The following ZNF678 variants were observed in gnomAD, a reference collection of about 807,000 sequenced individuals.
ZNF678 encodes the protein zinc finger protein 678.
A neutral mutation model predicts 3.0 loss-of-function variants in ZNF678; 5 were observed. The ratio of observed to expected loss-of-function variants is 1.69; its 90% confidence interval spans 0.88 to 3.56. ZNF678 has a LOEUF of 3.56. ZNF678 is among the 30% of genes most tolerant of loss of function. The probability of loss-of-function intolerance (pLI) is 0.00; values close to 1 mark genes in which losing one functional copy is unlikely to be tolerated. For missense variants in ZNF678, 593 were observed against 605.0 expected (o/e 0.98, Z 0.21); for synonymous variants, 218 against 199.6 (o/e 1.09, Z -0.78).
At chr1:227,652,285 G>C (rs1000700774) in intron 3 of ZNF678, among the ~76,000 whole-genome samples, 1 of 151,966 alleles carries the variant, frequency 6.6e-6, no homozygotes, top group African/African-American at 2.4e-5. Context: ...CTATCATTTG[G>C]TTACTATTTG....
rs188109810 is a variant in ZNF678, at chr1:227,658,868, T to C, written c.*3040T>C. 5.3e-5 allele frequency: 8 copies of C among 152,088 alleles called. No individual in the cohort carries two copies. In the East Asian group the frequency reaches 1.5e-3, roughly 29 times the overall value. 9.4% of individuals were successfully genotyped at this position (152,088 alleles called of 1,614,324 possible). A position where few individuals can be genotyped will look rare whatever the true frequency, so the allele number is the denominator to read the frequency against. On this transcript the variant is annotated 3_prime_UTR_variant, in exon 4 of 4. Transcript: ENST00000343776. ...ACCACAAAATATAGTAAACATGAAA[T>C]CAGTTAGAATAGGTAAAGCATTAAT... is the stretch of plus-strand genomic sequence containing the variant.
chr1:227,613,956 G>A (rs1030445678), intron 1 of ZNF678, among the ~76,000 whole-genome samples: 1 of 152,182 alleles, frequency 6.6e-6, no homozygotes, highest in Non-Finnish European at 1.5e-5. Flanking sequence ...AACATGATTA[G>A]CATCTCCAGT....
intron 1 of ZNF678, among the ~76,000 whole-genome samples, chr1:227,636,886 G>T (rs1311109460): frequency 6.6e-6 from 1 of 152,174 alleles, no homozygotes; most frequent in Non-Finnish European, 1.5e-5. Context: ...ATTCTTTCCA[G>T]ACGGATGAGT....
downstream of ZNF678, among the ~76,000 whole-genome samples, chr1:227,665,831 C>T (rs535413489): frequency 4.0e-4 from 61 of 152,126 alleles, no homozygotes; most frequent in African/African-American, 1.5e-3. Context: ...ATCCAGGGTC[C>T]CGTTATCCTC....
chr1:227,642,173 A>G (rs1473442092), intron 1 of ZNF678, among the ~76,000 whole-genome samples: 1 of 152,220 alleles, frequency 6.6e-6, no homozygotes, highest in Non-Finnish European at 1.5e-5. Context: ...ATAAAGGGCT[A>G]GACTTTGAAC....
chr1:227,655,488 T>TTTTTAA lies in ZNF678; in HGVS notation c.1239_1244dup (p.Phe414_Lys415insAsnPhe). The TTTTTAA allele has an allele frequency of 6.2e-7, 1 of 1,603,880 alleles. No individual in the cohort carries two copies. The highest frequency in any genetic ancestry group is 1.1e-5 in the South Asian group (1 of 90,578). On this transcript the variant is annotated inframe_insertion, in exon 4 of 4. Transcript: ENST00000343776. Reference sequence around the variant, plus strand: ...TACAAATGTGAAGAATGTGGGAAAGTTTTTAAACAGTGCTCTCACCTAACT... The same window carrying TTTTTAA: ...TACAAATGTGAAGAATGTGGGAAAGTTTTTAATTTTAAACAGTGCTCTCACCTAACT...
intron 1 of ZNF678, chr1:227,598,777 T>C: frequency 1.9e-6 from 1 of 536,310 alleles, no homozygotes; most frequent in African/African-American, 1.9e-5. Context: ...TTTCTCTGTT[T>C]TCCTTGTTTC....
chr1:227,674,348 C>T (rs1659647436), intron 5 of ZNF678, among the ~76,000 whole-genome samples: 1 of 152,114 alleles, frequency 6.6e-6, no homozygotes, highest in African/African-American at 2.4e-5. Flanking sequence ...CCCCAGTAAA[C>T]TCAGAGTAAA....
At chr1:227,574,275 T>C (rs1222712938) in intron 1 of ZNF678, among the ~76,000 whole-genome samples, 2 of 152,324 alleles carry the variant, frequency 1.3e-5, no homozygotes, top group African/African-American at 2.4e-5. Context: ...CTGAACTAAT[T>C]TACACTCCCA....
At chr1:227,583,842 C>T (rs927708603) in intron 1 of ZNF678, among the ~76,000 whole-genome samples, 3 of 152,130 alleles carry the variant, frequency 2.0e-5, no homozygotes, top group African/African-American at 7.2e-5. Flanking sequence ...CATAGGCATG[C>T]ATTGGGCACA....
chr1:227,669,427 G>A (rs972868562), intron 5 of ZNF678, among the ~76,000 whole-genome samples: 2 of 152,024 alleles, frequency 1.3e-5, no homozygotes, highest in Non-Finnish European at 2.9e-5. Context: ...ACGAGGTCAG[G>A]AGATCAAGAC....
chr1:227,612,444 CT>C (rs1280195564), intron 1 of ZNF678, among the ~76,000 whole-genome samples: 2 of 152,178 alleles, frequency 1.3e-5, no homozygotes, highest in Non-Finnish European at 2.9e-5. Context: ...TGTGGGGTGC[CT>C]CCCTTTGGTG....
In ZNF678 at chr1:227,594,959, A is replaced by T. The variant is rs189440572; in HGVS notation, c.-164+31235A>T. 2.0e-5 allele frequency among the ~76,000 whole-genome samples: 3 copies of T among 152,264 alleles called. No individual in the cohort carries two copies. The East Asian group carries it at 5.8e-4, about 29-fold the overall frequency. ...GTTAGCAAAGCAGTTGCTGCTACAG[A>T]TCGAATGCATTTGGGCCATCTGTGG... is the stretch of plus-strand genomic sequence containing the variant. On this transcript the variant is annotated intron_variant, in intron 1 of 3. Transcript: ENST00000343776.
rs535698786 is a variant in ZNF678, at chr1:227,676,840, A to C, written c.227-339A>C. On this transcript the variant is annotated intron_variant, in intron 5 of 5. Coordinates refer to the ZNF678 transcript ENST00000608949. ...TCCAGCTTCATCCATGTCCCTACAA[A>C]GGACATGAACTCATCATTTTTTATG... Among the ~76,000 whole-genome samples, 609 of 152,250 alleles carry C rather than the reference A, an allele frequency of 4.0e-3. 4 individuals are homozygous for C. The highest frequency in any genetic ancestry group is 0.014 in the African/African-American group (561 of 41,550).
intron 5 of ZNF678, among the ~76,000 whole-genome samples, chr1:227,672,189 T>C (rs1199163022): frequency 2.0e-5 from 3 of 152,212 alleles, no homozygotes; most frequent in African/African-American, 7.2e-5. Flanking sequence ...AATACTTCTA[T>C]GATTTTAGAA....
chr1:227,675,723 G>A (rs1172739855), intron 5 of ZNF678, among the ~76,000 whole-genome samples: 2 of 151,876 alleles, frequency 1.3e-5, no homozygotes, highest in Non-Finnish European at 2.9e-5. Context: ...CTGGGGGGGT[G>A]GGGAAAGGCC....
intron 1 of ZNF678, among the ~76,000 whole-genome samples, chr1:227,640,506 G>A (rs1205674518): frequency 1.3e-5 from 2 of 152,032 alleles, no homozygotes; most frequent in African/African-American, 2.4e-5. Context: ...GATTTGAACA[G>A]GTGAGCAAAA....
At chr1:227,567,535 A>G (rs1656722968) in intron 1 of ZNF678, among the ~76,000 whole-genome samples, 1 of 152,278 alleles carries the variant, frequency 6.6e-6, no homozygotes, top group South Asian at 2.1e-4. Context: ...GATCTCCTGG[A>G]AAGTGGGAGA....
At position 227,656,082 on chromosome 1, in the gene ZNF678, A is replaced by G; in HGVS notation, c.*254A>G. Reference sequence around the variant, plus strand: ...CAACTTTAGAGGATTTTACGGGGGCAAAAAACCTCCTACAAATGTGGAAAA... The same window carrying G: ...CAACTTTAGAGGATTTTACGGGGGCGAAAAACCTCCTACAAATGTGGAAAA... On this transcript the variant is annotated 3_prime_UTR_variant, in exon 4 of 4. Transcript: ENST00000343776. The G allele has an allele frequency of 6.8e-6, 2 of 294,182 alleles. No homozygotes were observed. The highest frequency in any genetic ancestry group is 1.2e-5 in the Non-Finnish European group (2 of 161,728). The allele number at this position is 294,182 out of a possible 1,614,324, so 18.2% of individuals were successfully genotyped here.
Sources: gnomAD v4.1 joint callset for allele counts (sites outside exome capture counted in the v4.1 genomes callset) on GRCh38, gnomAD v4.1.1 for gene constraint, MANE v1.5 for transcripts, NCBI Gene and HGNC (gene_info 2026-07-23, HGNC 2026-07-21) for gene names.